The following TMEM74 variants were observed in gnomAD, a reference collection of about 807,000 sequenced individuals.
TMEM74 encodes transmembrane protein 74.
TMEM74 carries 13 observed loss-of-function variants against 18.1 expected under a neutral mutation model. The observed-to-expected ratio is 0.72, with a 90% CI of 0.47 to 1.14. The LOEUF (loss-of-function observed/expected upper bound fraction) is 1.14. Among genes scored for constraint, TMEM74 ranks in the 50% most tolerant of loss-of-function variants. TMEM74 has a pLI of 0.00. For missense variants in TMEM74, 372 were observed against 375.9 expected (o/e 0.99, Z 0.09); for synonymous variants, 159 against 146.6 (o/e 1.08, Z -0.61).
At chr8:108,714,573 A>G (rs1813504324) in intron 1 of TMEM74, among the ~76,000 whole-genome samples, 1 of 152,196 alleles carries the variant, frequency 6.6e-6, no homozygotes, top group African/African-American at 2.4e-5. Flanking sequence ...ACGCTTATAC[A>G]CTGTTGGTGG....
intron 1 of TMEM74, among the ~76,000 whole-genome samples, chr8:108,664,916 A>T (rs1812934236): frequency 6.6e-6 from 1 of 152,152 alleles, no homozygotes; most frequent in Non-Finnish European, 1.5e-5. Context: ...TAGAAAAAGG[A>T]TATAGATACC....
chr8:108,697,214 G>T (rs1183591045), intron 1 of TMEM74, among the ~76,000 whole-genome samples: 9 of 152,230 alleles, frequency 5.9e-5, no homozygotes, highest in African/African-American at 1.9e-4. Flanking sequence ...TGTCCACTTG[G>T]TCTAGGGTTT....
At chr8:108,685,460 G>A (rs77388859) in intron 1 of TMEM74, among the ~76,000 whole-genome samples, 1,728 of 152,044 alleles carry the variant, frequency 0.011, 18 homozygotes, top group Middle Eastern at 0.044. Context: ...TTCTGGCTAG[G>A]ACTTCCTCAA....
At chr8:108,761,094 T>G (rs549576820) in intron 1 of TMEM74, among the ~76,000 whole-genome samples, 1 of 152,222 alleles carries the variant, frequency 6.6e-6, no homozygotes, top group African/African-American at 2.4e-5. Flanking sequence ...TGGTTTCTAT[T>G]CGTTCATCAA....
chr8:108,654,670 T>C (rs1812804200), intron 2 of TMEM74, among the ~76,000 whole-genome samples: 1 of 152,056 alleles, frequency 6.6e-6, no homozygotes, highest in African/African-American at 2.4e-5. Flanking sequence ...TTTTCAAAAA[T>C]AAAAATTGCA....
intron 1 of TMEM74, among the ~76,000 whole-genome samples, chr8:108,770,174 C>T (rs1814155899): frequency 6.6e-6 from 1 of 151,956 alleles, no homozygotes; most frequent in Non-Finnish European, 1.5e-5. Context: ...TGACCAAATA[C>T]AGAGAGGAGG....
At chr8:108,689,775 C>T (rs2130606218) in intron 1 of TMEM74, among the ~76,000 whole-genome samples, 1 of 152,272 alleles carries the variant, frequency 6.6e-6, no homozygotes, top group East Asian at 1.9e-4. Flanking sequence ...GAAGTCAGAT[C>T]AGCTTACCCG....
At chr8:108,655,077 T>A (rs1195521669) in intron 2 of TMEM74, among the ~76,000 whole-genome samples, 1 of 152,178 alleles carries the variant, frequency 6.6e-6, no homozygotes, top group Non-Finnish European at 1.5e-5. Context: ...TTGTAAAATC[T>A]TGTACTTTCT....
At chr8:108,758,856 A>G (rs1348557956) in intron 1 of TMEM74, among the ~76,000 whole-genome samples, 3 of 152,102 alleles carry the variant, frequency 2.0e-5, no homozygotes, top group East Asian at 1.9e-4. Context: ...TGCGTACTAT[A>G]TATCAGTGAA....
chr8:108,619,361 G>T (rs1384525056), intron 2 of TMEM74, among the ~76,000 whole-genome samples: 1 of 152,242 alleles, frequency 6.6e-6, no homozygotes, highest in African/African-American at 2.4e-5. Flanking sequence ...CCTGCAGACG[G>T]TTCTGAATCT....
intron 1 of TMEM74, among the ~76,000 whole-genome samples, chr8:108,739,820 G>A (rs1191142318): frequency 6.6e-6 from 1 of 152,028 alleles, no homozygotes; most frequent in African/African-American, 2.4e-5. Context: ...GGTTTTTGGG[G>A]TGATCAGACC....
At chr8:108,762,551 T>A (rs987642600) in intron 1 of TMEM74, among the ~76,000 whole-genome samples, 2 of 152,184 alleles carry the variant, frequency 1.3e-5, no homozygotes, top group African/African-American at 4.8e-5. Context: ...CAAAATTCAA[T>A]GACCAACAGC....
chr8:108,666,687 C>T (rs925891594), intron 1 of TMEM74, among the ~76,000 whole-genome samples: 5 of 152,078 alleles, frequency 3.3e-5, no homozygotes, highest in Admixed American at 2.6e-4. Flanking sequence ...GAGATTAATA[C>T]AGACTTTACA....
chr8:108,756,473 A>G (rs1305478144), intron 1 of TMEM74, among the ~76,000 whole-genome samples: 1 of 150,422 alleles, frequency 6.6e-6, no homozygotes, highest in Non-Finnish European at 1.5e-5. Context: ...CTTAGGTCAA[A>G]TCAACCTGTT....
intron 2 of TMEM74, among the ~76,000 whole-genome samples, chr8:108,654,976 G>C (rs896433309): frequency 6.6e-6 from 1 of 152,062 alleles, no homozygotes; most frequent in African/African-American, 2.4e-5. Context: ...CATCAGTAAT[G>C]TACTAATTAC....
intron 1 of TMEM74, among the ~76,000 whole-genome samples, chr8:108,703,105 A>G (rs1011902577): frequency 1.3e-5 from 2 of 152,074 alleles, no homozygotes. Flanking sequence ...GTACAAAACG[A>G]AGCAGGTGGA....
At chr8:108,623,046 C>A (rs1375956954) in intron 2 of TMEM74, among the ~76,000 whole-genome samples, 2 of 151,958 alleles carry the variant, frequency 1.3e-5, no homozygotes, top group African/African-American at 2.4e-5. Context: ...ATTTTGCCAA[C>A]CTCTCCTTTT....
intron 1 of TMEM74, among the ~76,000 whole-genome samples, chr8:108,751,093 T>C (rs1163589639): frequency 1.3e-5 from 2 of 152,130 alleles, no homozygotes; most frequent in African/African-American, 4.8e-5. Context: ...TCATGGACTT[T>C]AGAGTCTAGC....
intron 1 of TMEM74, among the ~76,000 whole-genome samples, chr8:108,693,932 T>A (rs957063170): frequency 3.9e-5 from 6 of 152,250 alleles, no homozygotes; most frequent in African/African-American, 1.4e-4. Context: ...CAGAGTCTCC[T>A]CAATTTCATT....
Sources: allele counts gnomAD v4.1 joint callset (sites outside exome capture counted in the v4.1 genomes callset), GRCh38; gene constraint gnomAD v4.1.1; transcripts MANE v1.5; gene names NCBI Gene and HGNC (gene_info 2026-07-23, HGNC 2026-07-21).